Variants in CLEC1A observed in about 807,000 individuals in gnomAD.
CLEC1A encodes the protein C-type lectin domain family 1 member A, also known as C-type lectin-like receptor-1.
CLEC1A carries 34 observed loss-of-function variants against 28.7 expected under a neutral mutation model. The observed-to-expected ratio is 1.18, with a 90% CI of 0.90 to 1.57. CLEC1A has a LOEUF of 1.57. Ranked by LOEUF, CLEC1A falls within the 40% of genes most tolerant of loss-of-function variation. The pLI is 0.00. For missense variants in CLEC1A, 385 were observed against 339.5 expected (o/e 1.13, Z -1.05); for synonymous variants, 116 against 121.0 (o/e 0.96, Z 0.27).
At chr12:10,089,630 G>A (rs1242133398) in intron 1 of CLEC1A, among the ~76,000 whole-genome samples, 1 of 151,928 alleles carries the variant, frequency 6.6e-6, no homozygotes, top group Non-Finnish European at 1.5e-5. Context: ...ACATAATCAG[G>A]GGAAAGATGA....
Position 10,070,137 on chromosome 12 carries a change from G to C in CLEC1A, c.*1196C>G, listed in dbSNP as rs1428056420. ...TCTCAAGAAAGAAGTGCCTCACAAA[G>C]GAGCAGCTACAAAGATGTCACTGTC... is the stretch of plus-strand genomic sequence containing the variant. On this transcript the variant is annotated 3_prime_UTR_variant, in exon 6 of 6. Coordinates refer to ENST00000315330, the MANE Select transcript of CLEC1A (RefSeq NM_016511.4). 1 of 152,148 alleles carries C rather than the reference G, an allele frequency of 6.6e-6. No individual in the cohort carries two copies. Among genetic ancestry groups the C allele is most frequent in the Non-Finnish European group, 1.5e-5 (1 of 68,030 alleles). The allele number at this position is 152,148 out of a possible 1,614,324, so 9.4% of individuals were successfully genotyped here.
chr12:10,075,438 CT>C, intron 4 of CLEC1A, 65 bp downstream of exon 4: 3 of 1,535,600 alleles, frequency 2.0e-6, no homozygotes, highest in Non-Finnish European at 2.7e-6. Flanking sequence ...TTAGAGTCTT[CT>C]TGCCTAATGC....
chr12:10,093,080 AT>A (rs1164446258), intron 1 of CLEC1A, among the ~76,000 whole-genome samples: 1 of 151,890 alleles, frequency 6.6e-6, no homozygotes, highest in Admixed American at 6.6e-5. Context: ...CTTTGATACT[AT>A]TTTTCCTTCT....
chr12:10,078,268 A>T (rs1866295767), intron 3 of CLEC1A, among the ~76,000 whole-genome samples: 5 of 152,196 alleles, frequency 3.3e-5, no homozygotes, highest in African/African-American at 1.2e-4. Context: ...CAAATCTCTC[A>T]CAAAGGCACC....
chr12:10,076,640 G>A (rs772339709), intron 3 of CLEC1A, among the ~76,000 whole-genome samples: 10 of 152,150 alleles, frequency 6.6e-5, no homozygotes, highest in Non-Finnish European at 1.0e-4. Flanking sequence ...AAAATGCAGG[G>A]AGCCTCAGAC....
At chr12:10,092,322 G>A (rs1008886356) in intron 1 of CLEC1A, 78 of 231,454 alleles carry the variant, frequency 3.4e-4, no homozygotes, top group African/African-American at 1.8e-3. Context: ...ACCAGCCTGA[G>A]CAACATAGTG....
At chr12:10,088,213 A>C (rs1221068643) in intron 2 of CLEC1A, among the ~76,000 whole-genome samples, 1 of 152,206 alleles carries the variant, frequency 6.6e-6, no homozygotes, top group Non-Finnish European at 1.5e-5. Flanking sequence ...GAAATCCCTC[A>C]TGAATCATAA....
chr12:10,092,920 G>A (rs191971624), intron 1 of CLEC1A, among the ~76,000 whole-genome samples: 2 of 151,498 alleles, frequency 1.3e-5, no homozygotes, highest in Admixed American at 6.6e-5. Context: ...TTGCTCTCTC[G>A]CTTTCTCTCT....
Position 10,087,204 on chromosome 12 carries a change from C to CAAAAA in CLEC1A, c.214+1915_214+1919dup, listed in dbSNP as rs59407880. On this transcript the variant is annotated intron_variant, in intron 2 of 5. Coordinates refer to ENST00000315330, the MANE Select transcript of CLEC1A (RefSeq NM_016511.4). ...TGGGCGACAGTGTAAGACTCCATCT[C>CAAAAA]AAAAAAAAAAAAAAAAAAGACTAGC... Among the ~76,000 whole-genome samples, 49 of 75,862 alleles carry CAAAAA rather than the reference C, an allele frequency of 6.5e-4. 1 individual carries two copies. The highest frequency in any genetic ancestry group is 7.9e-4 in the Non-Finnish European group (34 of 42,960). 49.8% of individuals were successfully genotyped at this position (75,862 alleles called of 152,430 possible). A position where few individuals can be genotyped will look rare whatever the true frequency, so the allele number is the denominator to read the frequency against.
At chr12:10,077,315 A>C (rs1034556728) in intron 3 of CLEC1A, among the ~76,000 whole-genome samples, 2 of 152,222 alleles carry the variant, frequency 1.3e-5, no homozygotes, top group Non-Finnish European at 2.9e-5. Flanking sequence ...CTCTCTATAT[A>C]CATATAGATA....
Position 10,098,877 on chromosome 12 carries a change from C to T in CLEC1A, c.46G>A (p.Gly16Arg). ...GAATGCAGGCTCATGGTGGTGTCCC[C>T]ATCATCATCCAGCATGTCCCTCGTG... ...SSTRDMLDDD[G>R]DTTMSLHSQG... The change falls in exon 1 of 6, where the codon GGG becomes AGG. Residue 16 changes from glycine to arginine, a missense_variant. Transcript: ENST00000315330. 1.2e-6 allele frequency: 2 copies of T among 1,613,394 alleles called. No individual in the cohort carries two copies. The highest frequency in any genetic ancestry group is 1.7e-6 in the Non-Finnish European group (2 of 1,179,602).
chr12:10,090,764 T>C (rs1032047720), intron 1 of CLEC1A, among the ~76,000 whole-genome samples: 1 of 152,130 alleles, frequency 6.6e-6, no homozygotes, highest in Non-Finnish European at 1.5e-5. Context: ...CCTTCATAAG[T>C]AGCTTTCATT....
At position 10,098,918 on chromosome 12, in the gene CLEC1A, T is replaced by C; in HGVS notation, c.5A>G (p.Gln2Arg). ...GTCCCTCGTGCTGCTGTACTTGGCC[T>C]GCATCTGGATTCCTACAGCGGTGAG... M[Q>R]AKYSSTRDML... The change falls in exon 1 of 6, where the codon CAG (glutamine) becomes CGG (arginine). Residue 2 changes from glutamine to arginine, a missense_variant. Physicochemically the swap from Gln to Arg is conservative, Grantham distance 43. Transcript: ENST00000315330. 1 of 1,608,802 alleles carries C rather than the reference T, an allele frequency of 6.2e-7. No homozygotes were observed. The highest frequency in any genetic ancestry group is 8.5e-7 in the Non-Finnish European group (1 of 1,176,448).
At chr12:10,098,628 G>A (rs566461129) in intron 1 of CLEC1A, among the ~76,000 whole-genome samples, 180 bp downstream of exon 1, 1 of 146,640 alleles carries the variant, frequency 6.8e-6, no homozygotes, top group Non-Finnish European at 1.5e-5. Context: ...CCTTCTCTAA[G>A]TGTGGGAATT....
chr12:10,098,887 C>T lies in CLEC1A; in HGVS notation c.36G>A (p.Leu12=), dbSNP rs1307812268. 6.2e-7 allele frequency: 1 copy of T among 1,613,624 alleles called. No homozygotes were observed. The highest frequency in any genetic ancestry group is 1.1e-5 in the South Asian group (1 of 90,922). ...QAKYSSTRDM[L]DDDGDTTMSL... Reference sequence around the variant, plus strand: ...TCATGGTGGTGTCCCCATCATCATCCAGCATGTCCCTCGTGCTGCTGTACT... The same window carrying T: ...TCATGGTGGTGTCCCCATCATCATCTAGCATGTCCCTCGTGCTGCTGTACT... Residue 12 remains leucine (L), a synonymous_variant, in exon 1 of 6, where the codon CTG becomes CTA. Transcript: ENST00000315330.
At chr12:10,087,258 A>T (rs1397149831) in intron 2 of CLEC1A, among the ~76,000 whole-genome samples, 1 of 150,652 alleles carries the variant, frequency 6.6e-6, no homozygotes, top group Non-Finnish European at 1.5e-5. Context: ...CATCAAAAAG[A>T]TAATACCCCA....
In CLEC1A at chr12:10,070,808, C is replaced by G. The variant is rs1386680240; in HGVS notation, c.*525G>C. On this transcript the variant is annotated 3_prime_UTR_variant, in exon 6 of 6. Transcript: ENST00000315330. ...CATCCCTGTTGGGAAACGGCATGGA[C>G]AAGGCAGATGGGGTCTTTACTGATG... The G allele has an allele frequency of 1.3e-5, 2 of 152,292 alleles. No individual in the cohort carries two copies. Among genetic ancestry groups the G allele is most frequent in the Non-Finnish European group, 2.9e-5 (2 of 68,156 alleles). The allele number at this position is 152,292 out of a possible 1,614,324, so 9.4% of individuals were successfully genotyped here.
rs1328748568 is a variant in CLEC1A, at chr12:10,069,676, G to A, written c.*1657C>T. 1.3e-5 allele frequency: 2 copies of A among 152,140 alleles called. No homozygotes were observed. The allele number at this position is 152,140 out of a possible 1,614,324, so 9.4% of individuals were successfully genotyped here. The stretch of plus-strand genomic sequence containing the variant: ...AGTGACTTGCCTAATAAGTAAATCA[G>A]AATAAGAGGTCTAAAATCTTCATTT... On this transcript the variant is annotated 3_prime_UTR_variant, in exon 6 of 6. Transcript: ENST00000315330.
Position 10,069,998 on chromosome 12 carries a change from T to C in CLEC1A, c.*1335A>G, listed in dbSNP as rs1156840896. ...ACTGTTGAAAAACAAAGATTTATAA[T>C]GTTATCTTTTCTAGCATAAAACCCT... On this transcript the variant is annotated 3_prime_UTR_variant, in exon 6 of 6. Transcript: ENST00000315330. 1 of 152,250 alleles carries C rather than the reference T, an allele frequency of 6.6e-6. No individual in the cohort carries two copies. The highest frequency in any genetic ancestry group is 1.5e-5 in the Non-Finnish European group (1 of 68,040). 9.4% of individuals were successfully genotyped at this position (152,250 alleles called of 1,614,324 possible).
Sources: allele counts gnomAD v4.1 joint callset (sites outside exome capture counted in the v4.1 genomes callset), GRCh38; gene constraint gnomAD v4.1.1; transcripts MANE v1.5; gene names NCBI Gene and HGNC (gene_info 2026-07-23, HGNC 2026-07-21).